WDPCP: variants seen among roughly 807,000 people sequenced by gnomAD.
The protein encoded by WDPCP is WD repeat-containing and planar cell polarity effector protein fritz homolog.
Under a neutral mutation model 93.1 loss-of-function variants are expected in WDPCP, and 71 were observed. The ratio of observed to expected loss-of-function variants is 0.76; its 90% CI spans 0.63 to 0.93. The LOEUF is 0.93. Among genes scored for constraint, WDPCP ranks in the 40% least tolerant of loss-of-function variants. The pLI, the probability that WDPCP is intolerant of heterozygous loss-of-function variation, is 0.00. For synonymous variants in WDPCP, 315 were observed against 315.0 expected, an observed-to-expected ratio of 1.00 and a Z score of 0.00; for missense variants, 844 against 887.4, an observed-to-expected ratio of 0.95 and a Z score of 0.62.
chr2:63,129,385 A>G (rs1670140821), intron 17 of WDPCP, among the ~76,000 whole-genome samples: 1 of 152,244 alleles, frequency 6.6e-6, no homozygotes. Flanking sequence ...ACCATTTTAT[A>G]TTCCCACTGG....
chr2:63,473,147 T>C (rs62177841), intron 6 of WDPCP, among the ~76,000 whole-genome samples: 8 of 152,220 alleles, frequency 5.3e-5, no homozygotes, highest in Non-Finnish European at 7.3e-5. Flanking sequence ...GGAGGTTAGT[T>C]GGCACAGCTA....
At chr2:63,589,252 T>C (rs534196745), upstream of WDPCP, 4 of 1,552,708 alleles carry the variant, frequency 2.6e-6, no homozygotes, top group African/African-American at 5.5e-5. Context: ...TATGGGGCGC[T>C]CTTAGGAGGA....
intron 2 of WDPCP, among the ~76,000 whole-genome samples, chr2:63,734,870 TAGACAGACAGACAGAC>T (rs10586648): frequency 1.4e-5 from 2 of 141,442 alleles, no homozygotes; most frequent in South Asian, 2.2e-4. Context: ...GATAGATAGA[TAGACAGACAGACAGAC>T]AGACAGACAG....
At chr2:63,558,064 CCAT>C (rs1259325657) in intron 1 of WDPCP, among the ~76,000 whole-genome samples, 1 of 151,916 alleles carries the variant, frequency 6.6e-6, no homozygotes, top group Non-Finnish European at 1.5e-5. Context: ...CAAATCAACA[CCAT>C]AACATCACAA....
intron 12 of WDPCP, among the ~76,000 whole-genome samples, chr2:63,357,231 G>C (rs925585929): frequency 6.6e-6 from 1 of 151,978 alleles, no homozygotes; most frequent in African/African-American, 2.4e-5. Flanking sequence ...TCATGACAAA[G>C]ACACCAAAAG....
chr2:63,197,723 A>G (rs1189270462), intron 14 of WDPCP, among the ~76,000 whole-genome samples: 1 of 152,156 alleles, frequency 6.6e-6, no homozygotes, highest in Non-Finnish European at 1.5e-5. Flanking sequence ...AGAACATGCA[A>G]TATTTGTCTT....
At chr2:63,563,757 C>T (rs867623751) in intron 1 of WDPCP, among the ~76,000 whole-genome samples, 23 of 152,064 alleles carry the variant, frequency 1.5e-4, no homozygotes, top group African/African-American at 5.3e-4. Context: ...AAACACACTC[C>T]CTGTTTCTCA....
intron 17 of WDPCP, among the ~76,000 whole-genome samples, chr2:63,126,842 A>AT (rs33998269): frequency 1.3e-5 from 2 of 151,400 alleles, no homozygotes; most frequent in Admixed American, 6.6e-5. Context: ...TGCCTGGATA[A>AT]TTTTTTTAAA....
intron 12 of WDPCP, among the ~76,000 whole-genome samples, chr2:63,343,278 G>A (rs1575185297): frequency 6.7e-6 from 1 of 150,090 alleles, no homozygotes; most frequent in East Asian, 2.0e-4. Context: ...AAAGTGCTGG[G>A]ATTACAGGTG....
At chr2:63,670,333 T>C (rs1710330618) in intron 2 of WDPCP, among the ~76,000 whole-genome samples, 1 of 152,158 alleles carries the variant, frequency 6.6e-6, no homozygotes, top group African/African-American at 2.4e-5. Flanking sequence ...ACAGAGCCCC[T>C]TTTCCTCTGT....
intron 14 of WDPCP, among the ~76,000 whole-genome samples, chr2:63,193,911 G>A (rs559634863): frequency 1.3e-5 from 2 of 152,248 alleles, no homozygotes; most frequent in South Asian, 4.1e-4. Flanking sequence ...AATGATACTG[G>A]TCATGATCCT....
chr2:63,253,153 T>C (rs1362319844), intron 14 of WDPCP, among the ~76,000 whole-genome samples: 4 of 151,994 alleles, frequency 2.6e-5, no homozygotes, highest in Admixed American at 6.6e-5. Flanking sequence ...AGAAAAGAAG[T>C]TGGGAAAGGA....
chr2:63,544,349 T>C (rs942447314), intron 1 of WDPCP, among the ~76,000 whole-genome samples: 4 of 152,176 alleles, frequency 2.6e-5, no homozygotes, highest in Non-Finnish European at 4.4e-5. Context: ...CTTCAACTTA[T>C]AAAGTTTAAC....
intron 17 of WDPCP, among the ~76,000 whole-genome samples, chr2:63,127,121 CTTTTTTTTT>C: frequency 8.3e-6 from 1 of 119,848 alleles, no homozygotes. Context: ...ACATATTTAA[CTTTTTTTTT>C]TTTTTTTTTT....
chr2:63,130,433 T>C (rs2153399108), intron 17 of WDPCP, among the ~76,000 whole-genome samples: 1 of 152,170 alleles, frequency 6.6e-6, no homozygotes, highest in Non-Finnish European at 1.5e-5. Flanking sequence ...TACACAAAGG[T>C]TTTATTTAGG....
At chr2:63,435,702 TAAAC>T (rs1697092154) in intron 8 of WDPCP, among the ~76,000 whole-genome samples, 1 of 152,076 alleles carries the variant, frequency 6.6e-6, no homozygotes, top group African/African-American at 2.4e-5. Context: ...GAATGTAAAA[TAAAC>T]AAATTTCTTA....
chr2:63,606,944 C>T lies in WDPCP; in HGVS notation n.488+43715G>A, dbSNP rs201860319. ...ATGGATCTTACTGCAAAGGAACTGACAGAAGAAAAAGAAAGTGCTTTTGAA... is the reference window on the plus strand; with the variant it reads ...ATGGATCTTACTGCAAAGGAACTGATAGAAGAAAAAGAAAGTGCTTTTGAA... On this transcript the variant is annotated intron_variant and non_coding_transcript_variant, in intron 3 of 4. Transcript: ENST00000467687. 3.6e-5 allele frequency: 58 copies of T among 1,612,612 alleles called. No individual in the cohort carries two copies. The highest frequency in any genetic ancestry group is 8.5e-6 in the Non-Finnish European group (10 of 1,179,360).
In WDPCP at chr2:63,197,358, G is replaced by A. The variant is rs181042406; in HGVS notation, c.1916-22526C>T. On this transcript the variant is annotated intron_variant, in intron 14 of 17. Transcript: ENST00000272321. Reference sequence around the variant, plus strand: ...TGTTAATTGATTGCTTATGCTATTGGTAATGCTTCCAATCAACAGTTGGCT... The same window carrying A: ...TGTTAATTGATTGCTTATGCTATTGATAATGCTTCCAATCAACAGTTGGCT... Among the ~76,000 whole-genome samples the A allele has an allele frequency of 6.1e-3, 932 of 152,112 alleles. 6 individuals are homozygous for A. The highest frequency in any genetic ancestry group is 0.024 in the Middle Eastern group (7 of 292).
chr2:63,684,614 C>T (rs1182512327), intron 2 of WDPCP: 2 of 719,064 alleles, frequency 2.8e-6, no homozygotes, highest in Non-Finnish European at 5.2e-6. Flanking sequence ...CTTCAGAGAT[C>T]CTGCTCTTAA....
Sources: allele counts gnomAD v4.1 joint callset (sites outside exome capture counted in the v4.1 genomes callset), GRCh38; gene constraint gnomAD v4.1.1; transcripts MANE v1.5; gene names NCBI Gene and HGNC (gene_info 2026-07-23, HGNC 2026-07-21).